STARD13: variants seen among roughly 807,000 people sequenced by gnomAD.
The protein encoded by STARD13 is StAR related lipid transfer domain containing 13, also known as stAR-related lipid transfer protein 13.
In STARD13, 62 loss-of-function variants were observed where a neutral mutation model predicts 106.4. The observed-to-expected ratio is 0.58, with a 90% confidence interval of 0.48 to 0.72. The LOEUF is 0.72. STARD13 is among the 30% of genes least tolerant of loss of function. The pLI, the probability that STARD13 is intolerant of heterozygous loss-of-function variation, is 0.00. For synonymous variants in STARD13, 565 were observed against 553.0 expected (o/e 1.02, Z -0.31); for missense variants, 1,387 against 1,424.0 (o/e 0.97, Z 0.42).
At chr13:33,341,391 C>A (rs1482902276) in intron 1 of STARD13, among the ~76,000 whole-genome samples, 3 of 152,102 alleles carry the variant, frequency 2.0e-5, no homozygotes, top group African/African-American at 7.2e-5. Flanking sequence ...GTAATCCCAG[C>A]ACTTTGAGAG....
At chr13:33,645,767 G>A in the STARD13 span, among the ~76,000 whole-genome samples, 1 of 152,128 alleles carries the variant, frequency 6.6e-6, no homozygotes, top group Non-Finnish European at 1.5e-5. Flanking sequence ...GCTTGCTCTT[G>A]GGGCTGTTTG....
At chr13:33,281,406 A>ATGTGTGTGTGTGTGTGTG (rs34351733) in intron 1 of STARD13, 3 of 146,750 alleles carry the variant, frequency 2.0e-5, no homozygotes, top group African/African-American at 5.0e-5. Context: ...TTTTCCAAAT[A>ATGTGTGTGTGTGTGTGTG]TGTGTGTGTG....
the STARD13 span, among the ~76,000 whole-genome samples, chr13:33,442,576 G>A: frequency 2.0e-5 from 3 of 152,294 alleles, no homozygotes; most frequent in African/African-American, 7.2e-5. Flanking sequence ...TTTCAAGTGC[G>A]AGGTATCATG....
intron 1 of STARD13, among the ~76,000 whole-genome samples, chr13:33,337,615 C>T (rs921532750): frequency 1.3e-5 from 2 of 152,138 alleles, no homozygotes; most frequent in African/African-American, 4.8e-5. Flanking sequence ...TTTGGGGGTT[C>T]ACCTTCCCCA....
At chr13:33,117,522 C>A (rs977448054) in intron 8 of STARD13, 64 of 687,902 alleles carry the variant, frequency 9.3e-5, no homozygotes, top group Non-Finnish European at 1.1e-4. Context: ...TTGCTGAGAA[C>A]TTAACATTAT....
chr13:33,514,061 C>T, the STARD13 span, among the ~76,000 whole-genome samples: 1 of 152,058 alleles, frequency 6.6e-6, no homozygotes, highest in Non-Finnish European at 1.5e-5. Flanking sequence ...CTAAGTTAAC[C>T]CATTGATATT....
chr13:33,525,390 C>A, the STARD13 span, among the ~76,000 whole-genome samples: 1 of 151,988 alleles, frequency 6.6e-6, no homozygotes, highest in Admixed American at 6.6e-5. Flanking sequence ...TCATATAGAG[C>A]CACAATGGTC....
At chr13:33,539,941 G>A in the STARD13 span, among the ~76,000 whole-genome samples, 3 of 152,184 alleles carry the variant, frequency 2.0e-5, no homozygotes, top group Admixed American at 1.3e-4. Context: ...AAAGTCATAC[G>A]CATAGTATGT....
chr13:33,333,318 G>A (rs1488447250), intron 1 of STARD13, among the ~76,000 whole-genome samples: 2 of 152,180 alleles, frequency 1.3e-5, no homozygotes, highest in African/African-American at 4.8e-5. Flanking sequence ...AACCTGGGAG[G>A]CGGAGGTTGC....
the STARD13 span, among the ~76,000 whole-genome samples, chr13:33,616,599 C>G: frequency 6.6e-6 from 1 of 152,186 alleles, no homozygotes; most frequent in Non-Finnish European, 1.5e-5. Context: ...CCATCCATGG[C>G]AAACACTGTC....
chr13:33,441,307 A>G, the STARD13 span, among the ~76,000 whole-genome samples: 2 of 152,264 alleles, frequency 1.3e-5, no homozygotes, highest in Non-Finnish European at 2.9e-5. Flanking sequence ...ATTCTCTCCA[A>G]TCTATATTCT....
chr13:33,165,358 T>A lies in STARD13; in HGVS notation c.302A>T (p.Asp101Val). The part of the protein sequence containing the change: ...VKNDHDFLEK[D>V]LVEPLCRRLN... Reference sequence around the variant, plus strand: ...TTACCTGCAAAGAGGTTCTACAAGGTCCTTTTCAAGAAAATCATGATCATT... The same window carrying A: ...TTACCTGCAAAGAGGTTCTACAAGGACCTTTTCAAGAAAATCATGATCATT... Residue 101 changes from aspartate (D) to valine (V), a missense_variant, in exon 3 of 14, where the codon GAC becomes GTC. Asp to Val is a radical substitution (Grantham distance 152). Transcript: ENST00000336934. 1.2e-6 allele frequency: 2 copies of A among 1,613,698 alleles called. No homozygotes were observed. The highest frequency in any genetic ancestry group is 1.7e-6 in the Non-Finnish European group (2 of 1,179,614).
intron 1 of STARD13, among the ~76,000 whole-genome samples, chr13:33,314,773 G>C (rs1377999808): frequency 6.6e-6 from 1 of 152,130 alleles, no homozygotes; most frequent in Non-Finnish European, 1.5e-5. Flanking sequence ...CACCACAGCT[G>C]GGTTCCTTCC....
the STARD13 span, among the ~76,000 whole-genome samples, chr13:33,527,150 C>A: frequency 6.6e-6 from 1 of 152,044 alleles, no homozygotes; most frequent in East Asian, 1.9e-4. Context: ...CTTTGTATTG[C>A]AAAATAAGTG....
At chr13:33,352,391 C>T (rs1008642479), upstream of STARD13, among the ~76,000 whole-genome samples, 9 of 152,132 alleles carry the variant, frequency 5.9e-5, no homozygotes, top group East Asian at 5.8e-4. Flanking sequence ...ATCAAACAGA[C>T]GCAATAGTTT....
chr13:33,388,519 T>C, the STARD13 span, among the ~76,000 whole-genome samples: 1 of 152,144 alleles, frequency 6.6e-6, no homozygotes, highest in Admixed American at 6.5e-5. Context: ...TCAAAGCCTA[T>C]AGAAGTTGGG....
At chr13:33,161,108 T>C (rs1882571395) in intron 3 of STARD13, among the ~76,000 whole-genome samples, 1 of 152,222 alleles carries the variant, frequency 6.6e-6, no homozygotes, top group South Asian at 2.1e-4. Context: ...TTAAAACACA[T>C]AGCAACATAA....
chr13:33,653,329 CAT>C, the STARD13 span, among the ~76,000 whole-genome samples: 926 of 152,234 alleles, frequency 6.1e-3, 9 homozygotes, highest in African/African-American at 0.021. Flanking sequence ...TAAGGATAGA[CAT>C]ATAGACTAAT....
At position 33,246,955 on chromosome 13, in the gene STARD13, G is replaced by C. The variant is rs914167933; in HGVS notation, c.169+38515C>G. Among the ~76,000 whole-genome samples the C allele has an allele frequency of 3.9e-5, 6 of 152,286 alleles. No homozygotes were observed. In the East Asian group the frequency reaches 1.2e-3, roughly 29 times the overall value. On this transcript the variant is annotated intron_variant, in intron 1 of 13. Coordinates refer to ENST00000336934, the MANE Select transcript of STARD13 (RefSeq NM_178006.4). ...CTCATGCCTGTAATCCCAGCACTTT[G>C]GGAGGCCGAGGCAGGTGGGTCGCCT...
Sources: allele counts gnomAD v4.1 joint callset (sites outside exome capture counted in the v4.1 genomes callset), GRCh38; gene constraint gnomAD v4.1.1; transcripts MANE v1.5; gene names NCBI Gene and HGNC (gene_info 2026-07-23, HGNC 2026-07-21).